NDST1: variants seen among roughly 807,000 people sequenced by gnomAD.
The protein encoded by NDST1 is N-deacetylase and N-sulfotransferase 1, also known as bifunctional heparan sulfate N-deacetylase/N-sulfotransferase 1.
In NDST1, 35 loss-of-function variants were observed where a neutral mutation model predicts 92.8. The observed-to-expected ratio is 0.38, with a 90% confidence interval of 0.29 to 0.50. The LOEUF (loss-of-function observed/expected upper bound fraction) is 0.50, where lower values mean the gene tolerates loss of function less well. Among genes scored for constraint, NDST1 ranks in the 20% least tolerant of loss-of-function variants. NDST1 has a pLI of 0.94. For missense variants in NDST1, 822 were observed against 1,182.7 expected (o/e 0.69, Z 4.47); for synonymous variants, 493 against 500.3 (o/e 0.99, Z 0.19).
At chr5:150,499,832 ACTCTCATG>A (rs1753154461) in intron 1 of NDST1, among the ~76,000 whole-genome samples, 1 of 152,034 alleles carries the variant, frequency 6.6e-6, no homozygotes, top group Non-Finnish European at 1.5e-5. Context: ...ACCAGGTCTT[ACTCTCATG>A]GTGGGCTTGG....
intron 2 of NDST1, among the ~76,000 whole-genome samples, chr5:150,523,186 T>A (rs573449195): frequency 6.6e-6 from 1 of 152,256 alleles, no homozygotes; most frequent in Admixed American, 6.5e-5. Context: ...CTCAACTGGC[T>A]TGATCACAAA....
At chr5:150,532,606 C>A (rs1016984300) in intron 3 of NDST1, among the ~76,000 whole-genome samples, 3 of 152,070 alleles carry the variant, frequency 2.0e-5, no homozygotes, top group Non-Finnish European at 2.9e-5. Flanking sequence ...CGGCTCACTG[C>A]ACCTCCGCCT....
chr5:150,526,688 C>G (rs1463347903), intron 2 of NDST1, among the ~76,000 whole-genome samples: 1 of 152,028 alleles, frequency 6.6e-6, no homozygotes, highest in African/African-American at 2.4e-5. Context: ...CTCAGGGAGG[C>G]CAGTGCAGAG....
intron 13 of NDST1, 56 bp downstream of exon 13, chr5:150,549,843 A>C (rs1420445808): frequency 1.9e-6 from 2 of 1,036,756 alleles, no homozygotes; most frequent in African/African-American, 3.1e-5. Context: ...CACCTGGGCC[A>C]ACAAAGCCAA....
intron 1 of NDST1, among the ~76,000 whole-genome samples, chr5:150,502,132 GC>G (rs913390813): frequency 6.6e-6 from 1 of 152,130 alleles, no homozygotes; most frequent in Non-Finnish European, 1.5e-5. Flanking sequence ...CTGCTGGCGG[GC>G]CCGATGTGAG....
rs187621216 is a variant in NDST1 at position 150,524,436 on chromosome 5, C to G, written c.513+2669C>G. 9.7e-4 allele frequency among the ~76,000 whole-genome samples: 148 copies of G among 152,364 alleles called. 1 individual carries two copies. Among genetic ancestry groups the G allele is most frequent in the African/African-American group, 3.3e-3 (136 of 41,586 alleles). ...CCTCATCTGGATCCCTACTTCCTGG[C>G]ACTGTCGTGCCTCAACCTTGAAATT... On this transcript the variant is annotated intron_variant, in intron 2 of 14. Transcript: ENST00000261797.
chr5:150,534,374 G>A (rs1754888307), intron 4 of NDST1, among the ~76,000 whole-genome samples: 1 of 152,078 alleles, frequency 6.6e-6, no homozygotes, highest in South Asian at 2.1e-4. Context: ...AAAGTGCTGG[G>A]GTTTCAAGTG....
chr5:150,519,978 G>C (rs1306041751), intron 1 of NDST1, among the ~76,000 whole-genome samples: 3 of 152,148 alleles, frequency 2.0e-5, no homozygotes. Context: ...CAGGGCGGGG[G>C]AGGCCTCCCC....
At chr5:150,540,018 T>C (rs1581397663) in intron 7 of NDST1, 64 bp from the exon 8 acceptor site, 5 of 1,592,014 alleles carry the variant, frequency 3.1e-6, no homozygotes, top group East Asian at 2.2e-5. Flanking sequence ...AGGGTCAGAG[T>C]TGGCGGTGAG....
intron 14 of NDST1, among the ~76,000 whole-genome samples, chr5:150,552,971 C>T (rs571393826): frequency 8.5e-5 from 13 of 152,196 alleles, no homozygotes; most frequent in East Asian, 5.8e-4. Flanking sequence ...CTCAGACTCC[C>T]GAGTAGCTGG....
chr5:150,548,476 C>T (rs1358285984), intron 12 of NDST1, 88 bp downstream of exon 12: 74 of 1,443,984 alleles, frequency 5.1e-5, no homozygotes, highest in Non-Finnish European at 5.5e-5. Context: ...TCTCACCAGC[C>T]GTGGGGACAG....
intron 1 of NDST1, among the ~76,000 whole-genome samples, chr5:150,513,809 C>T (rs1381079321): frequency 6.6e-6 from 1 of 152,244 alleles, no homozygotes; most frequent in African/African-American, 2.4e-5. Context: ...GGCCCTTGTA[C>T]CTCTGCCCCT....
rs201478137 is a variant in NDST1, at chr5:150,542,826, C to T, written c.1847-22C>T. On this transcript the variant is annotated intron_variant, in intron 9 of 14. Transcript: ENST00000261797. ...TGGCTGGGGGCTGGGCCCTGGGTCT[C>T]AGGTGTCTACCCTCCCCACAGGCAC... 21 of 1,614,012 alleles carry T rather than the reference C, an allele frequency of 1.3e-5. No individual in the cohort carries two copies. The East Asian group carries it at 4.5e-4, about 34-fold the overall frequency.
intron 10 of NDST1, among the ~76,000 whole-genome samples, chr5:150,544,807 G>A (rs1755407330): frequency 6.6e-6 from 1 of 152,202 alleles, no homozygotes; most frequent in African/African-American, 2.4e-5. Flanking sequence ...GTAGCAGGAG[G>A]TCCTGGTCCA....
intron 9 of NDST1, 55 bp from the exon 10 acceptor site, chr5:150,542,793 C>A (rs962363582): frequency 6.2e-7 from 1 of 1,613,078 alleles, no homozygotes; most frequent in African/African-American, 1.3e-5. Context: ...AACCCAGACT[C>A]TATCTTTTGG....
At chr5:150,528,427 A>T in intron 3 of NDST1, 129 bp downstream of exon 3, 1 of 1,055,786 alleles carries the variant, frequency 9.5e-7, no homozygotes, top group Non-Finnish European at 1.3e-6. Flanking sequence ...AGACAGTCCC[A>T]CTCTGCTTCC....
intron 1 of NDST1, among the ~76,000 whole-genome samples, chr5:150,516,976 AGTGTGTGTGTGTGTGTGTGT>A (rs56170880): frequency 4.2e-5 from 6 of 143,672 alleles, no homozygotes; most frequent in Non-Finnish European, 6.0e-5. Context: ...GACATTTTCT[AGTGTGTGTGTGTGTGTGTGT>A]GTGTGTGTGT....
upstream of NDST1, among the ~76,000 whole-genome samples, chr5:150,507,355 G>T (rs1455396148): frequency 6.6e-6 from 1 of 152,140 alleles, no homozygotes; most frequent in Non-Finnish European, 1.5e-5. Flanking sequence ...CTCTAAGAAG[G>T]CAAATACCTT....
intron 1 of NDST1, among the ~76,000 whole-genome samples, chr5:150,500,837 C>T (rs1753197054): frequency 6.6e-6 from 1 of 152,230 alleles, no homozygotes; most frequent in Admixed American, 6.5e-5. Flanking sequence ...AAGACACTCT[C>T]CTAATGTCAC....
Sources: gnomAD v4.1 joint callset for allele counts (sites outside exome capture counted in the v4.1 genomes callset) on GRCh38, gnomAD v4.1.1 for gene constraint, MANE v1.5 for transcripts, NCBI Gene and HGNC (gene_info 2026-07-23, HGNC 2026-07-21) for gene names.